The following MIDN variants were observed in gnomAD, a reference collection of about 807,000 sequenced individuals.
MIDN encodes midnolin, also known as midbrain nucleolar protein.
In MIDN, 26 loss-of-function variants were observed where a neutral mutation model predicts 46.1. That is an observed-to-expected ratio of 0.56 (90% CI 0.41 to 0.78). The LOEUF (loss-of-function observed/expected upper bound fraction) is 0.78. MIDN is among the 30% of genes least tolerant of loss of function. The pLI is 0.00. For missense variants in MIDN, 850 were observed against 771.8 expected, an observed-to-expected ratio of 1.10 and a Z score of -1.20; for synonymous variants, 432 against 343.3, an observed-to-expected ratio of 1.26 and a Z score of -2.86.
chr19:1,254,524 G>C, intron 6 of MIDN, 46 bp downstream of exon 6: 1 of 1,530,288 alleles, frequency 6.5e-7, no homozygotes, highest in Non-Finnish European at 8.8e-7. Context: ...GAATCCAAAG[G>C]GTGGGCCGTC....
Position 1,250,442 on chromosome 19 carries a change from C to G in MIDN, c.146C>G (p.Pro49Arg). The G allele has an allele frequency of 7.2e-7, 1 of 1,387,402 alleles. No homozygotes were observed. The highest frequency in any genetic ancestry group is 3.2e-5 in the East Asian group (1 of 31,476). The allele number at this position is 1,387,402 out of a possible 1,614,324, so 85.9% of individuals were successfully genotyped here. A position where few individuals can be genotyped will look rare whatever the true frequency, so the allele number is the denominator to read the frequency against. ...TGTRYDLAVP[P>R]DETVEGLRKR... ...ACCCGCTACGACCTGGCCGTGCCGC[C>G]CGACGAGACGGTGGAGGGGCTGCGC... Residue 49 changes from proline to arginine, a missense_variant, in exon 2 of 9, where the codon CCC (proline) becomes CGC (arginine). Coordinates refer to ENST00000682408, the MANE Select transcript of MIDN (RefSeq NM_001388306.1).
At chr19:1,253,090 C>T (rs1474614514) in intron 4 of MIDN, among the ~76,000 whole-genome samples, 3 of 151,886 alleles carry the variant, frequency 2.0e-5, no homozygotes, top group Admixed American at 2.0e-4. Flanking sequence ...GGGTTGCTTC[C>T]CTGCCTGGCA....
At chr19:1,251,784 T>A (rs2081132054) in intron 3 of MIDN, 55 bp from the exon 4 acceptor site, 1 of 1,578,392 alleles carries the variant, frequency 6.3e-7, no homozygotes, top group Admixed American at 1.7e-5. Flanking sequence ...CACCCCCTAT[T>A]CCAGCCCAGG....
chr19:1,254,924 C>G lies in MIDN; in HGVS notation c.848C>G (p.Ala283Gly). ...CAGCAGATGGACTGCTCCCCCACGGCCAGCAGCAGTGCCAGTCCTGGTGCC... is the reference window on the plus strand; with the variant it reads ...CAGCAGATGGACTGCTCCCCCACGGGCAGCAGCAGTGCCAGTCCTGGTGCC... ...CPEQMDCSPT[A>G]SSSASPGAST... Residue 283 changes from alanine (A) to glycine (G), a missense_variant, in exon 7 of 9, where the codon GCC becomes GGC. By Grantham distance (60) the Ala-to-Gly change is moderately conservative. Transcript: ENST00000682408. 1 of 1,608,872 alleles carries G rather than the reference C, an allele frequency of 6.2e-7. No individual in the cohort carries two copies. Among genetic ancestry groups the G allele is most frequent in the South Asian group, 1.1e-5 (1 of 90,978 alleles).
Position 1,257,357 on chromosome 19 carries a change from G to C in MIDN, c.*85G>C. On this transcript the variant is annotated 3_prime_UTR_variant, in exon 9 of 9. Coordinates refer to ENST00000682408, the MANE Select transcript of MIDN (RefSeq NM_001388306.1). The stretch of plus-strand genomic sequence containing the variant: ...AGAGCCCCGGAGAGAACGTGGCCCA[G>C]CCCTGGAGGGCAGGCGGCCACTCCC... 7.3e-6 allele frequency: 8 copies of C among 1,103,250 alleles called. No individual in the cohort carries two copies. The highest frequency in any genetic ancestry group is 1.1e-5 in the Non-Finnish European group (8 of 750,970). The allele number at this position is 1,103,250 out of a possible 1,614,324, so 68.3% of individuals were successfully genotyped here.
intron 7 of MIDN, 35 bp downstream of exon 7, chr19:1,255,096 G>C (rs1247412442): frequency 1.3e-6 from 2 of 1,594,326 alleles, no homozygotes; most frequent in South Asian, 2.2e-5. Context: ...GCTCACGTGT[G>C]TCCCGTGACC....
intron 5 of MIDN, 33 bp downstream of exon 5, chr19:1,254,115 C>G: frequency 6.4e-7 from 1 of 1,554,436 alleles, no homozygotes; most frequent in Non-Finnish European, 8.6e-7. Context: ...CCGGGCTGGG[C>G]TGGGGGCGCC....
At chr19:1,256,148 G>A (rs911303167) in intron 8 of MIDN, among the ~76,000 whole-genome samples, 11 of 152,256 alleles carry the variant, frequency 7.2e-5, no homozygotes, top group Admixed American at 6.5e-4. Context: ...ACTGCCCTTG[G>A]GCTCTGCACC....
rs376527620 is a variant in MIDN, at chr19:1,255,376, C to A, written c.986-46C>A. ...CCCGTGGACGCCCGTCCTGGACATG[C>A]GGGACTGTGCCCGTGCCGGGCACTC... On this transcript the variant is annotated intron_variant, in intron 7 of 8. Coordinates refer to ENST00000682408, the MANE Select transcript of MIDN (RefSeq NM_001388306.1). 4 of 1,530,980 alleles carry A rather than the reference C, an allele frequency of 2.6e-6. No individual in the cohort carries two copies. The East Asian group carries it at 7.3e-5, about 28-fold the overall frequency. 94.8% of individuals were successfully genotyped at this position (1,530,980 alleles called of 1,614,324 possible).
At chr19:1,251,536 C>T in intron 2 of MIDN, 26 bp from the exon 3 acceptor site, 5 of 1,604,926 alleles carry the variant, frequency 3.1e-6, no homozygotes, top group African/African-American at 1.3e-5. Flanking sequence ...TCCGCGGAGT[C>T]TCATGCTCTT....
chr19:1,250,150 C>A lies in MIDN; in HGVS notation c.-147C>A. 5.2e-6 allele frequency: 1 copy of A among 191,336 alleles called. No homozygotes were observed. The highest frequency in any genetic ancestry group is 9.6e-6 in the Non-Finnish European group (1 of 104,086). The allele number at this position is 191,336 out of a possible 1,614,324, so 11.9% of individuals were successfully genotyped here. ...GGATTTCGGTCTCGCATTCCGCGGC[C>A]GGGACTTTCTCGAGGAGGACGCGCG... On this transcript the variant is annotated 5_prime_UTR_variant, in exon 2 of 9. Coordinates refer to ENST00000682408, the MANE Select transcript of MIDN (RefSeq NM_001388306.1).
At position 1,250,281 on chromosome 19, in the gene MIDN, C is replaced by A; in HGVS notation, c.-16C>A. On this transcript the variant is annotated 5_prime_UTR_variant, in exon 2 of 9. Coordinates refer to ENST00000682408, the MANE Select transcript of MIDN (RefSeq NM_001388306.1). ...GGCGGCGCCCGCCGCCCCCAGCCCCCCAGCGCGCGCCGGGGATGGAGCCGC... is the reference window on the plus strand; with the variant it reads ...GGCGGCGCCCGCCGCCCCCAGCCCCACAGCGCGCGCCGGGGATGGAGCCGC... 1.0e-6 allele frequency: 1 copy of A among 972,494 alleles called. No individual in the cohort carries two copies. The highest frequency in any genetic ancestry group is 1.2e-6 in the Non-Finnish European group (1 of 819,024). 60.2% of individuals were successfully genotyped at this position (972,494 alleles called of 1,614,324 possible).
In MIDN at chr19:1,257,136, C is replaced by G; in HGVS notation, c.1400C>G (p.Ala467Gly). Residue 467 changes from alanine to glycine, a missense_variant, in exon 9 of 9, where the codon GCC becomes GGC. By Grantham distance (60) the Ala-to-Gly change is moderately conservative. Transcript: ENST00000682408. ...TACCACTGGTCACCCAGCCGCAAGG[C>G]CGGCCGCAGCGACAGCAGTAGCAGC... Reference protein sequence around the residue: ...GPYHWSPSRKAGRSDSSSSGG... With the variant: ...GPYHWSPSRKGGRSDSSSSGG... 1 of 1,611,374 alleles carries G rather than the reference C, an allele frequency of 6.2e-7. No individual in the cohort carries two copies. Among genetic ancestry groups the G allele is most frequent in the Non-Finnish European group, 8.5e-7 (1 of 1,179,164 alleles).
In MIDN at chr19:1,258,048, C is replaced by T. The variant is rs2081223080; in HGVS notation, c.*776C>T. 1.3e-5 allele frequency: 2 copies of T among 152,644 alleles called. No individual in the cohort carries two copies. Among genetic ancestry groups the T allele is most frequent in the South Asian group, 2.1e-4 (1 of 4,844 alleles). The allele number at this position is 152,644 out of a possible 1,614,324, so 9.5% of individuals were successfully genotyped here. ...GGGAGAGGGGAACTACCCCCCCAGC[C>T]TGCCCTCCGCCCCGCCCCAGCCGGC... On this transcript the variant is annotated 3_prime_UTR_variant, in exon 9 of 9. Transcript: ENST00000682408.
At chr19:1,252,090 G>T (rs1041287854) in intron 4 of MIDN, among the ~76,000 whole-genome samples, 189 bp downstream of exon 4, 4 of 152,172 alleles carry the variant, frequency 2.6e-5, no homozygotes, top group Admixed American at 2.6e-4. Context: ...CACCTGACCC[G>T]GAGGGCTTTC....
chr19:1,253,687 G>T, intron 4 of MIDN: 1 of 223,266 alleles, frequency 4.5e-6, no homozygotes, highest in Non-Finnish European at 9.1e-6. Context: ...CAAAGGTTAG[G>T]ACAGAAGAAT....
At chr19:1,253,425 C>CG (rs1261755036) in intron 4 of MIDN, among the ~76,000 whole-genome samples, 4 of 150,320 alleles carry the variant, frequency 2.7e-5, no homozygotes, top group Non-Finnish European at 6.0e-5. Flanking sequence ...TCCGCCACCC[C>CG]CCCCCCCATC....
At chr19:1,255,726 C>A (rs769765555) in intron 8 of MIDN, 32 bp downstream of exon 8, 18 of 1,511,850 alleles carry the variant, frequency 1.2e-5, no homozygotes, top group Non-Finnish European at 1.5e-5. Flanking sequence ...TCCTACCTTC[C>A]CCGCCCGCCT....
chr19:1,249,144 TC>T (rs1294696313), intron 1 of MIDN, among the ~76,000 whole-genome samples: 3 of 149,922 alleles, frequency 2.0e-5, no homozygotes, highest in East Asian at 3.9e-4. Flanking sequence ...GGACGCCGCG[TC>T]ACGTCACGGC....
Sources: allele counts gnomAD v4.1 joint callset (sites outside exome capture counted in the v4.1 genomes callset), GRCh38; gene constraint gnomAD v4.1.1; transcripts MANE v1.5; gene names NCBI Gene and HGNC (gene_info 2026-07-23, HGNC 2026-07-21).